The following DPYD variants were observed in gnomAD, a reference collection of about 807,000 sequenced individuals.
DPYD encodes dihydropyrimidine dehydrogenase.
DPYD carries 109 observed loss-of-function variants against 116.2 expected under a neutral mutation model. That is an observed-to-expected ratio of 0.94 (90% CI 0.80 to 1.10). The LOEUF is 1.10. DPYD is among the 50% of genes least tolerant of loss of function. The pLI is 0.00. For synonymous variants in DPYD, 440 were observed against 432.0 expected (o/e 1.02, Z -0.23); for missense variants, 1,302 against 1,254.5 (o/e 1.04, Z -0.57).
chr1:97,261,667 TAAGA>T (rs1182747624), intron 18 of DPYD, among the ~76,000 whole-genome samples: 1 of 151,922 alleles, frequency 6.6e-6, no homozygotes, highest in Non-Finnish European at 1.5e-5. Flanking sequence ...TGAATTTAGT[TAAGA>T]GATAAAACTG....
chr1:97,638,950 C>T (rs1389668132), intron 8 of DPYD, among the ~76,000 whole-genome samples: 1 of 152,072 alleles, frequency 6.6e-6, no homozygotes, highest in Non-Finnish European at 1.5e-5. Flanking sequence ...GGATAAACAT[C>T]CAAACCATAT....
chr1:97,349,745 G>A (rs940897788), intron 16 of DPYD, among the ~76,000 whole-genome samples: 16 of 152,024 alleles, frequency 1.1e-4, no homozygotes, highest in South Asian at 2.1e-4. Flanking sequence ...CCAGTCTATC[G>A]TTGTTGGACA....
At chr1:97,701,959 A>G (rs999991318) in intron 5 of DPYD, among the ~76,000 whole-genome samples, 4 of 150,270 alleles carry the variant, frequency 2.7e-5, no homozygotes, top group African/African-American at 1.0e-4. Context: ...TTAAATTGGT[A>G]ATAAAATAAT....
chr1:97,115,892 A>G (rs1651928890), intron 20 of DPYD, among the ~76,000 whole-genome samples: 1 of 152,172 alleles, frequency 6.6e-6, no homozygotes. Context: ...TAAGTAAGAA[A>G]TGCTCATTCA....
intron 12 of DPYD, among the ~76,000 whole-genome samples, chr1:97,539,258 T>G (rs1394484776): frequency 9.7e-5 from 11 of 113,978 alleles, no homozygotes; most frequent in Non-Finnish European, 3.6e-5. Context: ...TGTACTCAAA[T>G]TTTTTTTAAA....
In DPYD at chr1:97,327,150, C is replaced by G. The variant is rs149483330; in HGVS notation, c.2059-20853G>C. ...AGTTCCCAGACAATATTAAAACTAA[C>G]ATATATACCACAGTTAATGATTTTC... On this transcript the variant is annotated intron_variant, in intron 16 of 22. Coordinates refer to ENST00000370192, the MANE Select transcript of DPYD (RefSeq NM_000110.4). 3.2e-4 allele frequency among the ~76,000 whole-genome samples: 49 copies of G among 152,122 alleles called. No individual in the cohort carries two copies. In the East Asian group the frequency reaches 9.1e-3, roughly 28 times the overall value.
At chr1:97,467,413 A>C (rs1677394577) in intron 13 of DPYD, among the ~76,000 whole-genome samples, 1 of 152,234 alleles carries the variant, frequency 6.6e-6, no homozygotes, top group Admixed American at 6.5e-5. Context: ...CCCCTGCTTC[A>C]TGATATCCTG....
chr1:97,261,147 T>G (rs1157340812), intron 18 of DPYD, among the ~76,000 whole-genome samples: 1 of 152,094 alleles, frequency 6.6e-6, no homozygotes, highest in African/African-American at 2.4e-5. Context: ...GACAAACACA[T>G]GACAAACAAG....
At position 97,311,456 on chromosome 1, in the gene DPYD, G is replaced by T. The variant is rs1162201448; in HGVS notation, c.2059-5159C>A. ...ACCTTTCACATTTTTTCCATATAAG[G>T]ACAATGCTCATTTAAACCACAATGT... On this transcript the variant is annotated intron_variant, in intron 16 of 22. Coordinates refer to ENST00000370192, the MANE Select transcript of DPYD (RefSeq NM_000110.4). Among the ~76,000 whole-genome samples, 3 of 151,744 alleles carry T rather than the reference G, an allele frequency of 2.0e-5. No homozygotes were observed. In the Middle Eastern group the frequency reaches 0.01, roughly 516 times the overall value.
At chr1:97,808,740 T>C (rs909297153) in intron 3 of DPYD, among the ~76,000 whole-genome samples, 2 of 151,280 alleles carry the variant, frequency 1.3e-5, no homozygotes, top group Admixed American at 6.6e-5. Flanking sequence ...TATCTTTTTA[T>C]TATTTAAAAT....
chr1:97,655,526 G>C (rs1275961041), intron 8 of DPYD, among the ~76,000 whole-genome samples: 2 of 152,160 alleles, frequency 1.3e-5, no homozygotes, highest in Admixed American at 1.3e-4. Flanking sequence ...ATTTCCTATG[G>C]AGTTAAATTT....
intron 16 of DPYD, among the ~76,000 whole-genome samples, chr1:97,347,326 T>A (rs1371594777): frequency 6.6e-6 from 1 of 151,996 alleles, no homozygotes; most frequent in Non-Finnish European, 1.5e-5. Flanking sequence ...GTTTTTAAAA[T>A]TATGAATGAA....
At chr1:97,140,869 A>G (rs149514534) in intron 20 of DPYD, among the ~76,000 whole-genome samples, 1 of 152,316 alleles carries the variant, frequency 6.6e-6, no homozygotes, top group African/African-American at 2.4e-5. Context: ...TTTTAAGAGA[A>G]TAAAGATGTT....
intron 18 of DPYD, among the ~76,000 whole-genome samples, chr1:97,270,067 C>T (rs1204629830): frequency 6.6e-6 from 1 of 152,128 alleles, no homozygotes; most frequent in East Asian, 1.9e-4. Flanking sequence ...ATAAGCACCA[C>T]GAAGGCCTGG....
chr1:97,890,300 T>C (rs1364775795), intron 1 of DPYD, among the ~76,000 whole-genome samples: 1 of 151,992 alleles, frequency 6.6e-6, no homozygotes, highest in Non-Finnish European at 1.5e-5. Context: ...AGTAAAACCC[T>C]ATTAAATTCT....
chr1:97,319,976 A>G (rs1458804379), intron 16 of DPYD, among the ~76,000 whole-genome samples: 7 of 138,350 alleles, frequency 5.1e-5, no homozygotes. Context: ...AGCCAAAGAC[A>G]AAAACCACAT....
At position 97,121,846 on chromosome 1, in the gene DPYD, A is replaced by T. The variant is rs544279252; in HGVS notation, c.2623-23214T>A. ...GCTATTAGTCCAGCATGCTGTAAGC[A>T]AAGTAATTCAATGAGGGCCATTATA... On this transcript the variant is annotated intron_variant, in intron 20 of 22. Coordinates refer to ENST00000370192, the MANE Select transcript of DPYD (RefSeq NM_000110.4). Among the ~76,000 whole-genome samples, 5 of 152,326 alleles carry T rather than the reference A, an allele frequency of 3.3e-5. No individual in the cohort carries two copies. In the South Asian group the frequency reaches 6.2e-4, roughly 19 times the overall value.
rs540768720 is a variant in DPYD, at chr1:97,768,703, A to AT, written c.234-28225dup. Among the ~76,000 whole-genome samples the AT allele has an allele frequency of 1.6e-3, 243 of 152,228 alleles. 2 individuals carry two copies. The highest frequency in any genetic ancestry group is 3.4e-3 in the Middle Eastern group (1 of 294). On this transcript the variant is annotated intron_variant, in intron 3 of 22. Coordinates refer to ENST00000370192, the MANE Select transcript of DPYD (RefSeq NM_000110.4). ...CATTTTTTGCTGTGGCTAAAAACTG[A>AT]TTTTCATGCATGTAGGGCTTCTAAA...
chr1:97,743,505 A>T (rs1664379135), intron 3 of DPYD, among the ~76,000 whole-genome samples: 1 of 152,124 alleles, frequency 6.6e-6, no homozygotes, highest in Admixed American at 6.6e-5. Context: ...ATCAAGTGAC[A>T]TTAGTGTTGA....
Sources: allele counts gnomAD v4.1 joint callset (sites outside exome capture counted in the v4.1 genomes callset), GRCh38; gene constraint gnomAD v4.1.1; transcripts MANE v1.5; gene names NCBI Gene and HGNC (gene_info 2026-07-23, HGNC 2026-07-21).